Variants in CAMK1 observed in about 807,000 individuals in gnomAD.
CAMK1 encodes the protein calcium/calmodulin dependent protein kinase I.
Under a neutral mutation model 49.1 loss-of-function variants are expected in CAMK1, and 39 were observed. The observed-to-expected ratio is 0.79, with a 90% CI of 0.62 to 1.04. The LOEUF is 1.04. Among genes scored for constraint, CAMK1 ranks in the 50% least tolerant of loss-of-function variants. CAMK1 has a pLI of 0.00. For missense variants in CAMK1, 457 were observed against 472.2 expected, an observed-to-expected ratio of 0.97 and a Z score of 0.30; for synonymous variants, 192 against 185.2, an observed-to-expected ratio of 1.04 and a Z score of -0.30.
At chr3:9,760,971 A>G in intron 7 of CAMK1, 2 of 706,180 alleles carry the variant, frequency 2.8e-6, no homozygotes. Flanking sequence ...TGCCCTCCTC[A>G]GGGCCTTTGC....
intron 3 of CAMK1, among the ~76,000 whole-genome samples, chr3:9,765,466 A>G (rs777197954): frequency 2.0e-5 from 3 of 152,164 alleles, no homozygotes; most frequent in Non-Finnish European, 4.4e-5. Flanking sequence ...CAACTGAGAT[A>G]TGTGGGTCCA....
chr3:9,766,173 G>A, intron 2 of CAMK1: 2 of 873,538 alleles, frequency 2.3e-6, no homozygotes, highest in Non-Finnish European at 3.7e-6. Flanking sequence ...ATGTAAGCCT[G>A]GAGCTAATGG....
At chr3:9,762,866 G>A in intron 5 of CAMK1, 48 bp downstream of exon 5, 2 of 1,595,164 alleles carry the variant, frequency 1.3e-6, no homozygotes, top group Non-Finnish European at 1.7e-6. Flanking sequence ...GGTTTGCAAA[G>A]GCCCCACCCC....
chr3:9,765,184 G>A (rs1227881733), intron 3 of CAMK1, among the ~76,000 whole-genome samples: 3 of 150,648 alleles, frequency 2.0e-5, no homozygotes, highest in Non-Finnish European at 4.4e-5. Context: ...CCAAGATTGC[G>A]TCACTGCACT....
intron 5 of CAMK1, 136 bp downstream of exon 5, chr3:9,762,778 G>A: frequency 2.5e-6 from 2 of 795,926 alleles, no homozygotes; most frequent in Non-Finnish European, 4.1e-6. Context: ...GCAGTTTAAA[G>A]GTTACAAGAT....
intron 3 of CAMK1, 152 bp from the exon 4 acceptor site, chr3:9,763,365 CT>C: frequency 1.4e-6 from 1 of 728,104 alleles, no homozygotes; most frequent in Non-Finnish European, 2.2e-6. Flanking sequence ...TGACTAGCCA[CT>C]GCACTCCAGC....
Position 9,767,784 on chromosome 3 carries a change from G to T in CAMK1, c.-32-3C>A. The T allele has an allele frequency of 6.2e-7, 1 of 1,612,688 alleles. No homozygotes were observed. Among genetic ancestry groups the T allele is most frequent in the African/African-American group, 1.3e-5 (1 of 75,056 alleles). On this transcript the variant is annotated splice_region_variant and splice_polypyrimidine_tract_variant and intron_variant, in intron 1 of 11. Coordinates refer to ENST00000256460, the MANE Select transcript of CAMK1 (RefSeq NM_003656.5). The stretch of plus-strand genomic sequence containing the variant: ...CCCCCCGACCACAGCCAGGGCTCCT[G>T]TAAGGAGAATGGAAGGAGGAGACTC...
intron 10 of CAMK1, 187 bp from the exon 11 acceptor site, chr3:9,758,033 C>CATCTA: frequency 1.2e-6 from 1 of 815,372 alleles, no homozygotes; most frequent in Non-Finnish European, 1.8e-6. Context: ...CACACACACG[C>CATCTA]ACATATGTTA....
At chr3:9,765,658 G>A in intron 3 of CAMK1, 101 bp downstream of exon 3, 1 of 1,373,886 alleles carries the variant, frequency 7.3e-7, no homozygotes, top group Non-Finnish European at 1.0e-6. Flanking sequence ...GCAATTTAAG[G>A]CTTAGAGAGT....
chr3:9,762,770 A>C, intron 5 of CAMK1, 144 bp downstream of exon 5: 1 of 710,640 alleles, frequency 1.4e-6, no homozygotes, highest in Non-Finnish European at 2.4e-6. Flanking sequence ...GGGAGGAGGC[A>C]GTTTAAAGGT....
intron 3 of CAMK1, among the ~76,000 whole-genome samples, chr3:9,765,054 C>T (rs986279212): frequency 4.6e-5 from 7 of 151,626 alleles, no homozygotes; most frequent in African/African-American, 1.5e-4. Context: ...TGGCGAAACC[C>T]CATCTCTACT....
At position 9,757,524 on chromosome 3, in the gene CAMK1, C is replaced by T. The variant is rs371720443; in HGVS notation, c.*15G>A. The T allele has an allele frequency of 6.2e-7, 1 of 1,609,494 alleles. No homozygotes were observed. The highest frequency in any genetic ancestry group is 2.2e-5 in the East Asian group (1 of 44,778). ...GCCCTCCCACGCAGAGGATCATGACCCGAGGTCCAGGGCCCTAGAGCTGGT... is the reference window on the plus strand; with the variant it reads ...GCCCTCCCACGCAGAGGATCATGACTCGAGGTCCAGGGCCCTAGAGCTGGT... On this transcript the variant is annotated 3_prime_UTR_variant, in exon 12 of 12. Coordinates refer to ENST00000256460, the MANE Select transcript of CAMK1 (RefSeq NM_003656.5). This position sits in a 1 kb window ranked among gnomAD's most constrained non-coding sequence, Gnocchi z 4.5.
intron 3 of CAMK1, among the ~76,000 whole-genome samples, chr3:9,764,086 A>G (rs1351813520): frequency 6.6e-6 from 1 of 152,192 alleles, no homozygotes; most frequent in Non-Finnish European, 1.5e-5. Context: ...CTTGCTTGCC[A>G]CTGTTCCTCC....
At position 9,761,731 on chromosome 3, in the gene CAMK1, C is replaced by T; in HGVS notation, c.456G>A (p.Leu152=). The change falls in exon 6 of 12, where the codon CTG becomes CTA. Residue 152 remains leucine, a synonymous_variant. Coordinates refer to ENST00000256460, the MANE Select transcript of CAMK1 (RefSeq NM_003656.5). ...LKPENLLYYS[L]DEDSKIMISD... The stretch of plus-strand genomic sequence containing the variant: ...AGATCATGATTTTGGAGTCTTCATC[C>T]AGGCTGTAGTACAGCAGATTCTCTG... The T allele has an allele frequency of 6.2e-7, 1 of 1,614,104 alleles. No homozygotes were observed. Among genetic ancestry groups the T allele is most frequent in the Non-Finnish European group, 8.5e-7 (1 of 1,180,002 alleles).
intron 10 of CAMK1, chr3:9,758,634 T>G (rs1460235220): frequency 6.2e-6 from 1 of 162,128 alleles, no homozygotes; most frequent in Non-Finnish European, 1.3e-5. Flanking sequence ...CTGAGAGCTC[T>G]TTCTTTTTTT....
rs2077962097 is a variant in CAMK1 at position 9,763,040 on chromosome 3, C to T, written c.303G>A (p.Gly101=). The part of the protein sequence containing the change: ...LYLIMQLVSG[G]ELFDRIVEKG... The stretch of plus-strand genomic sequence containing the variant: ...TTTCCACAATACGGTCAAAGAGCTC[C>T]CCACCCGACACCCTGCAGCAGGGGA... The change falls in exon 5 of 12, where the codon GGG becomes GGA. Residue 101 remains glycine, a synonymous_variant. Coordinates refer to ENST00000256460, the MANE Select transcript of CAMK1 (RefSeq NM_003656.5). The T allele has an allele frequency of 6.2e-7, 1 of 1,614,020 alleles. No homozygotes were observed. Among genetic ancestry groups the T allele is most frequent in the African/African-American group, 1.3e-5 (1 of 74,910 alleles).
At position 9,761,705 on chromosome 3, in the gene CAMK1, G is replaced by A. The variant is rs559224420; in HGVS notation, c.482C>T (p.Ser161Phe). The change falls in exon 6 of 12, where the codon TCC becomes TTC. Residue 161 changes from serine (S) to phenylalanine (F), a missense_variant. Ser to Phe is a radical substitution (Grantham distance 155, BLOSUM62 -2). Transcript: ENST00000256460. ...SLDEDSKIMI[S>F]DFGLSKMEDP... ...CTCCATCTTGGAGAGGCCAAAGTCG[G>A]AGATCATGATTTTGGAGTCTTCATC... The A allele has an allele frequency of 1.4e-5, 22 of 1,614,158 alleles. No individual in the cohort carries two copies. In the South Asian group the frequency reaches 2.4e-4, roughly 18 times the overall value.
At chr3:9,760,470 G>A (rs779720151) in intron 8 of CAMK1, 186 bp downstream of exon 8, 9 of 570,852 alleles carry the variant, frequency 1.6e-5, no homozygotes, top group Non-Finnish European at 2.8e-5. Flanking sequence ...TTCTCACTCT[G>A]GGAGCCAAGC....
intron 8 of CAMK1, chr3:9,760,259 A>G (rs534101382): frequency 5.4e-6 from 1 of 186,706 alleles, no homozygotes; most frequent in South Asian, 1.0e-4. Flanking sequence ...GAAAGAAAAA[A>G]AAAAAAAAGT....
Sources: gnomAD v4.1 joint callset for allele counts (sites outside exome capture counted in the v4.1 genomes callset) on GRCh38, gnomAD v4.1.1 for gene constraint, Gnocchi (gnomAD v3.1) non-coding constraint, MANE v1.5 for transcripts, NCBI Gene and HGNC (gene_info 2026-07-23, HGNC 2026-07-21) for gene names.